PRKCQ: variants seen among roughly 807,000 people sequenced by gnomAD.
The protein encoded by PRKCQ is protein kinase C theta type.
In PRKCQ, 41 loss-of-function variants were observed where a neutral mutation model predicts 91.2. The ratio of observed to expected loss-of-function variants is 0.45; its 90% confidence interval spans 0.35 to 0.58. The LOEUF is 0.58. Ranked by LOEUF, PRKCQ falls within the 20% of genes least tolerant of loss-of-function variation. PRKCQ has a pLI of 0.00. For synonymous variants in PRKCQ, 307 were observed against 316.9 expected, an observed-to-expected ratio of 0.97 and a Z score of 0.33; for missense variants, 673 against 896.5, an observed-to-expected ratio of 0.75 and a Z score of 3.18.
chr10:6,442,138 C>T (rs1460072175), intron 15 of PRKCQ, 57 bp from the exon 16 acceptor site: 2 of 1,543,502 alleles, frequency 1.3e-6, no homozygotes, highest in African/African-American at 2.7e-5. Flanking sequence ...GGAGTGACAA[C>T]TCTTCCTGAG....
At chr10:6,463,580 C>T (rs1221374356) in intron 13 of PRKCQ, among the ~76,000 whole-genome samples, 2 of 152,146 alleles carry the variant, frequency 1.3e-5, no homozygotes, top group Non-Finnish European at 2.9e-5. Flanking sequence ...AAGAAGCTGG[C>T]GGACCAAATC....
rs200169532 is a variant in PRKCQ, at chr10:6,534,772, A to ATC, written c.-9-19630_-9-19629dup. Among the ~76,000 whole-genome samples, 17 of 49,958 alleles carry ATC rather than the reference A, an allele frequency of 3.4e-4. No individual in the cohort carries two copies. In the East Asian group the frequency reaches 6.1e-3, roughly 18 times the overall value. The allele number at this position is 49,958 out of a possible 152,430, so 32.8% of individuals were successfully genotyped here. On this transcript the variant is annotated intron_variant, in intron 1 of 17. Coordinates refer to ENST00000263125, the MANE Select transcript of PRKCQ (RefSeq NM_006257.5). The stretch of plus-strand genomic sequence containing the variant: ...ACTTAAAAGTTAAATAGAAACATAT[A>ATC]TCTATATATATATATATATAGATAT...
chr10:6,559,098 T>C (rs1051221315), intron 1 of PRKCQ, among the ~76,000 whole-genome samples: 3 of 152,178 alleles, frequency 2.0e-5, no homozygotes, highest in African/African-American at 7.2e-5. Flanking sequence ...CAATAGGCAA[T>C]AAAAAGTTAA....
chr10:6,578,185 G>A (rs1841315948), intron 1 of PRKCQ, among the ~76,000 whole-genome samples: 1 of 152,230 alleles, frequency 6.6e-6, no homozygotes. Flanking sequence ...CCATCCCCTT[G>A]TTGCCTGAAG....
At chr10:6,554,950 A>T (rs888043006) in intron 1 of PRKCQ, among the ~76,000 whole-genome samples, 12 of 152,222 alleles carry the variant, frequency 7.9e-5, no homozygotes, top group Non-Finnish European at 1.5e-4. Flanking sequence ...ATACAGCCAC[A>T]AAAAAGAATG....
intron 1 of PRKCQ, among the ~76,000 whole-genome samples, chr10:6,536,952 T>C (rs948535467): frequency 2.0e-5 from 3 of 152,178 alleles, no homozygotes; most frequent in Non-Finnish European, 2.9e-5. Context: ...TTTGGAAGAA[T>C]ACCCTTCCCC....
chr10:6,579,918 G>C (rs535608181), intron 1 of PRKCQ, among the ~76,000 whole-genome samples: 27 of 150,388 alleles, frequency 1.8e-4, no homozygotes, highest in Non-Finnish European at 3.5e-4. Context: ...GTTCAGGTGA[G>C]AAGGAAAAGG....
intron 15 of PRKCQ, among the ~76,000 whole-genome samples, chr10:6,446,406 G>A (rs1834308446): frequency 7.8e-6 from 1 of 128,308 alleles, no homozygotes; most frequent in South Asian, 2.5e-4. Flanking sequence ...GCTTATGTTG[G>A]CCAGGCTGGA....
At chr10:6,428,625 G>A (rs7082071) in intron 17 of PRKCQ, among the ~76,000 whole-genome samples, 27,645 of 151,996 alleles carry the variant, frequency 0.18, 2,743 homozygotes, top group Non-Finnish European at 0.23. Context: ...GGGATCTAAT[G>A]TTTCTAATGG....
chr10:6,423,561 C>A (rs1233802228), downstream of PRKCQ, among the ~76,000 whole-genome samples: 1 of 152,156 alleles, frequency 6.6e-6, no homozygotes, highest in Non-Finnish European at 1.5e-5. Flanking sequence ...GGGCTGCCTG[C>A]AAGACTCCCA....
intron 15 of PRKCQ, among the ~76,000 whole-genome samples, chr10:6,447,091 G>C (rs1834347816): frequency 6.6e-6 from 1 of 152,154 alleles, no homozygotes; most frequent in Non-Finnish European, 1.5e-5. Context: ...TGGATTTACT[G>C]AGTGTCTAGT....
chr10:6,416,879 AT>A, the PRKCQ span, among the ~76,000 whole-genome samples: 16 of 152,262 alleles, frequency 1.1e-4, no homozygotes, highest in South Asian at 3.3e-3. Flanking sequence ...AACATCTATT[AT>A]TTTTTGACTT....
intron 15 of PRKCQ, among the ~76,000 whole-genome samples, chr10:6,453,345 A>AT (rs1469896940): frequency 9.9e-5 from 15 of 152,232 alleles, no homozygotes; most frequent in Non-Finnish European, 2.1e-4. Flanking sequence ...GCCATCAGAG[A>AT]AATGCAATTC....
chr10:6,442,714 C>T (rs1431468032), intron 15 of PRKCQ, among the ~76,000 whole-genome samples: 1 of 152,184 alleles, frequency 6.6e-6, no homozygotes, highest in Non-Finnish European at 1.5e-5. Flanking sequence ...GTAATTCCAG[C>T]ACTTTGGGAG....
chr10:6,574,605 C>T (rs906457343), intron 1 of PRKCQ, among the ~76,000 whole-genome samples: 4 of 152,202 alleles, frequency 2.6e-5, no homozygotes, highest in Admixed American at 6.5e-5. Flanking sequence ...GCTCCTTTCT[C>T]GCAGCATCAC....
chr10:6,450,408 A>C (rs201598219), intron 15 of PRKCQ, among the ~76,000 whole-genome samples: 5 of 151,700 alleles, frequency 3.3e-5, no homozygotes, highest in African/African-American at 9.7e-5. Context: ...CATCCAATAC[A>C]GGAGCACCCA....
In PRKCQ at chr10:6,437,444, T is replaced by C. The variant is rs113427916; in HGVS notation, c.1836+4449A>G. Among the ~76,000 whole-genome samples the C allele has an allele frequency of 6.9e-3, 1,047 of 152,286 alleles. 15 individuals carry two copies. Among genetic ancestry groups the C allele is most frequent in the African/African-American group, 0.024 (1,003 of 41,558 alleles). ...ACCTTAATCTTGGACTTTCTGCCTC[T>C]AAAACTGTGAGAAAGAAATGTCTGT... is the stretch of plus-strand genomic sequence containing the variant. On this transcript the variant is annotated intron_variant, in intron 16 of 17. Transcript: ENST00000263125.
intron 15 of PRKCQ, among the ~76,000 whole-genome samples, chr10:6,446,354 TCA>T (rs1012381325): frequency 7.4e-6 from 1 of 134,886 alleles, no homozygotes; most frequent in African/African-American, 2.7e-5. Flanking sequence ...CACACTATGC[TCA>T]GTTTTTTTTT....
chr10:6,484,669 C>T (rs907290308), intron 10 of PRKCQ, among the ~76,000 whole-genome samples: 3 of 152,268 alleles, frequency 2.0e-5, no homozygotes, highest in South Asian at 2.1e-4. Context: ...TATGCTGAAA[C>T]GACTCAGGTC....
Sources: allele counts gnomAD v4.1 joint callset (sites outside exome capture counted in the v4.1 genomes callset), GRCh38; gene constraint gnomAD v4.1.1; transcripts MANE v1.5; gene names NCBI Gene and HGNC (gene_info 2026-07-23, HGNC 2026-07-21).